Variants in EFCAB14 observed in about 807,000 individuals in gnomAD.
The protein encoded by EFCAB14 is EF-hand calcium binding domain 14, also known as EF-hand calcium-binding domain-containing protein 14.
In EFCAB14, 43 loss-of-function variants were observed where a neutral mutation model predicts 56.5. That is an observed-to-expected ratio of 0.76 (90% confidence interval 0.60 to 0.98). EFCAB14 has a LOEUF of 0.98. EFCAB14 is among the 50% of genes least tolerant of loss of function. The pLI is 0.00. For synonymous variants in EFCAB14, 235 were observed against 212.9 expected (o/e 1.10, Z -0.90); for missense variants, 538 against 580.3 (o/e 0.93, Z 0.75).
chr1:46,711,198 G>A (rs544490505), intron 2 of EFCAB14, among the ~76,000 whole-genome samples: 2 of 152,308 alleles, frequency 1.3e-5, no homozygotes, highest in East Asian at 3.9e-4. Context: ...ATGGTTTACA[G>A]GAATCTATCT....
At position 46,678,198 on chromosome 1, in the gene EFCAB14, G is replaced by A. The variant is rs1676725910; in HGVS notation, c.*263C>T. 1 of 309,538 alleles carries A rather than the reference G, an allele frequency of 3.2e-6. No homozygotes were observed. Among genetic ancestry groups the A allele is most frequent in the African/African-American group, 2.2e-5 (1 of 45,700 alleles). 19.2% of individuals were successfully genotyped at this position (309,538 alleles called of 1,614,324 possible). A position where few individuals can be genotyped will look rare whatever the true frequency, so the allele number is the denominator to read the frequency against. On this transcript the variant is annotated 3_prime_UTR_variant, in exon 11 of 11. Coordinates refer to ENST00000371933, the MANE Select transcript of EFCAB14 (RefSeq NM_014774.3). ...CAAAAAAAGGAAAGAGAAAAAAAGA[G>A]GGCTTTAATTTTTTTTCTGGCAATT... is the stretch of plus-strand genomic sequence containing the variant.
At chr1:46,688,688 CT>C in intron 6 of EFCAB14, 144 bp from the exon 7 acceptor site, 1 of 741,064 alleles carries the variant, frequency 1.3e-6, no homozygotes, top group Non-Finnish European at 2.2e-6. Flanking sequence ...TCTGTCTTTG[CT>C]TTGTCCCTCG....
chr1:46,711,156 C>G (rs1677303166), intron 2 of EFCAB14, among the ~76,000 whole-genome samples: 1 of 152,184 alleles, frequency 6.6e-6, no homozygotes, highest in South Asian at 2.1e-4. Flanking sequence ...TAGTTCCCAG[C>G]AGGTGCTTTT....
chr1:46,714,905 C>A (rs1386654216), intron 2 of EFCAB14, among the ~76,000 whole-genome samples: 2 of 151,894 alleles, frequency 1.3e-5, no homozygotes, highest in Non-Finnish European at 2.9e-5. Context: ...GACTTCAAAA[C>A]CTCCTTAAAC....
intron 3 of EFCAB14, among the ~76,000 whole-genome samples, chr1:46,704,573 G>A (rs972495558): frequency 1.3e-5 from 2 of 150,760 alleles, no homozygotes; most frequent in African/African-American, 4.9e-5. Context: ...ATGAAATAAT[G>A]AGCCTCCACC....
chr1:46,713,006 C>G (rs1677331129), intron 2 of EFCAB14, among the ~76,000 whole-genome samples: 1 of 151,778 alleles, frequency 6.6e-6, no homozygotes, highest in Non-Finnish European at 1.5e-5. Flanking sequence ...AAGAGCAAAA[C>G]TCCATCTCAA....
chr1:46,696,675 T>C (rs776973980), intron 3 of EFCAB14, 26 bp from the exon 4 acceptor site: 7 of 1,602,794 alleles, frequency 4.4e-6, no homozygotes, highest in Non-Finnish European at 6.0e-6. Flanking sequence ...TAACAAACAA[T>C]GAAAACAAAT....
In EFCAB14 at chr1:46,704,443, C is replaced by T. The variant is rs1389768353; in HGVS notation, c.480+3463G>A. Among the ~76,000 whole-genome samples the T allele has an allele frequency of 2.0e-5, 3 of 148,286 alleles. No individual in the cohort carries two copies. The East Asian group carries it at 6.0e-4, about 30-fold the overall frequency. On this transcript the variant is annotated intron_variant, in intron 3 of 10. Coordinates refer to ENST00000371933, the MANE Select transcript of EFCAB14 (RefSeq NM_014774.3). Reference sequence around the variant, plus strand: ...AGTGAGCTGTGATTGCATCACTGCACCCCAGCCTGGGTGACACAGTGAGAT... The same window carrying T: ...AGTGAGCTGTGATTGCATCACTGCATCCCAGCCTGGGTGACACAGTGAGAT...
chr1:46,693,427 C>T lies in EFCAB14; in HGVS notation c.580-1490G>A, dbSNP rs1322642718. Among the ~76,000 whole-genome samples, 3 of 152,220 alleles carry T rather than the reference C, an allele frequency of 2.0e-5. No homozygotes were observed. In the East Asian group the frequency reaches 5.8e-4, roughly 29 times the overall value. On this transcript the variant is annotated intron_variant, in intron 4 of 10. Transcript: ENST00000371933. Reference sequence around the variant, plus strand: ...GTTAGGTATTTGGCATGACCTACCACTTCAAAACTGAGCCACTTGAAAGAA... The same window carrying T: ...GTTAGGTATTTGGCATGACCTACCATTTCAAAACTGAGCCACTTGAAAGAA...
chr1:46,700,986 A>AGTGAGTGAGTGAGTGTGTGTGTGT (rs145670885), intron 3 of EFCAB14, among the ~76,000 whole-genome samples: 44 of 142,940 alleles, frequency 3.1e-4, no homozygotes, highest in African/African-American at 1.1e-3. Context: ...AGAGTGAGTG[A>AGTGAGTGAGTGAGTGTGTGTGTGT]GTGTGTGTGT....
At chr1:46,711,299 C>A (rs190654402) in intron 2 of EFCAB14, among the ~76,000 whole-genome samples, 16 of 152,340 alleles carry the variant, frequency 1.1e-4, no homozygotes, top group African/African-American at 3.8e-4. Flanking sequence ...AAGAAAAACT[C>A]ATCCAACAAA....
chr1:46,682,035 T>G (rs1309023408), intron 10 of EFCAB14: 1 of 152,250 alleles, frequency 6.6e-6, no homozygotes, highest in African/African-American at 2.4e-5. Context: ...TTAAGTCTTC[T>G]ATGCTTTAAG....
intron 7 of EFCAB14, 196 bp from the exon 8 acceptor site, chr1:46,687,066 T>TAG: frequency 3.4e-6 from 2 of 596,000 alleles, no homozygotes; most frequent in Non-Finnish European, 3.0e-6. Flanking sequence ...AAACTAGTGC[T>TAG]TCTAGCTGTT....
In EFCAB14 at chr1:46,707,932, T is replaced by C. The variant is rs776849463; in HGVS notation, c.454A>G (p.Ile152Val). ...TGCTTATTCATTTCTGTGATGTTTA[T>C]CCAGACTTTGTTCAAACCCATCTCT... is the stretch of plus-strand genomic sequence containing the variant. The part of the protein sequence containing the change: ...SGEMGLNKVW[I>V]NITEMNKQIS... The change falls in exon 3 of 11, where the codon ATA (isoleucine) becomes GTA (valine). Residue 152 changes from isoleucine (I) to valine (V), a missense_variant. Transcript: ENST00000371933. The C allele has an allele frequency of 1.1e-5, 18 of 1,611,070 alleles. No homozygotes were observed. The Admixed American group carries it at 1.5e-4, about 13-fold the overall frequency.
At chr1:46,713,364 C>T (rs1467518513) in intron 2 of EFCAB14, among the ~76,000 whole-genome samples, 1 of 152,142 alleles carries the variant, frequency 6.6e-6, no homozygotes, top group Non-Finnish European at 1.5e-5. Context: ...GAATGTGGCT[C>T]AATGGTAGAA....
rs1676685866 is a variant in EFCAB14, at chr1:46,675,839, T to C, written c.*2622A>G. On this transcript the variant is annotated 3_prime_UTR_variant, in exon 11 of 11. Coordinates refer to ENST00000371933, the MANE Select transcript of EFCAB14 (RefSeq NM_014774.3). ...TATGGGGAGGCTCTTTTAGTAAACA[T>C]TATACAAGATAGTACAAGGCAAAAG... is the stretch of plus-strand genomic sequence containing the variant. 1 of 152,192 alleles carries C rather than the reference T, an allele frequency of 6.6e-6. No homozygotes were observed. Among genetic ancestry groups the C allele is most frequent in the Non-Finnish European group, 1.5e-5 (1 of 68,044 alleles). The allele number at this position is 152,192 out of a possible 1,614,324, so 9.4% of individuals were successfully genotyped here. A position where few individuals can be genotyped will look rare whatever the true frequency, so the allele number is the denominator to read the frequency against.
In EFCAB14 at chr1:46,675,652, A is replaced by T. The variant is rs1220522672; in HGVS notation, c.*2809T>A. On this transcript the variant is annotated 3_prime_UTR_variant, in exon 11 of 11. Coordinates refer to ENST00000371933, the MANE Select transcript of EFCAB14 (RefSeq NM_014774.3). ...ATCTCCAACAGAAGGGACAATGGCC[A>T]GCAGTAGGTGAAGGGAACCCATTCT... 1 of 152,300 alleles carries T rather than the reference A, an allele frequency of 6.6e-6. No homozygotes were observed. The highest frequency in any genetic ancestry group is 2.4e-5 in the African/African-American group (1 of 41,470). The allele number at this position is 152,300 out of a possible 1,614,324, so 9.4% of individuals were successfully genotyped here. A position where few individuals can be genotyped will look rare whatever the true frequency, so the allele number is the denominator to read the frequency against.
At position 46,718,642 on chromosome 1, in the gene EFCAB14, G is replaced by A. The variant is rs1364582377; in HGVS notation, c.-555C>T. The A allele has an allele frequency of 2.0e-5, 3 of 152,710 alleles. No homozygotes were observed. The highest frequency in any genetic ancestry group is 7.2e-5 in the African/African-American group (3 of 41,442). 9.5% of individuals were successfully genotyped at this position (152,710 alleles called of 1,614,324 possible). On this transcript the variant is annotated 5_prime_UTR_variant, in exon 1 of 11. Coordinates refer to ENST00000371933, the MANE Select transcript of EFCAB14 (RefSeq NM_014774.3). ...CCTTGCAGGAGAGGTGGCGGCAGGA[G>A]GGGGCTCCCAGCAGCTACAATCCCA... is the stretch of plus-strand genomic sequence containing the variant.
At chr1:46,690,430 C>G (rs113832928) in intron 5 of EFCAB14, among the ~76,000 whole-genome samples, 2,155 of 152,176 alleles carry the variant, frequency 0.014, 63 homozygotes, top group African/African-American at 0.049. Flanking sequence ...TTAATTATAA[C>G]AGAATGCAAC....
Sources: allele counts gnomAD v4.1 joint callset (sites outside exome capture counted in the v4.1 genomes callset), GRCh38; gene constraint gnomAD v4.1.1; transcripts MANE v1.5; gene names NCBI Gene and HGNC (gene_info 2026-07-23, HGNC 2026-07-21).